Variants in TESK2 observed in about 807,000 individuals in gnomAD.
TESK2 encodes dual specificity testis-specific protein kinase 2.
Under a neutral mutation model 57.1 loss-of-function variants are expected in TESK2, and 39 were observed. That is an observed-to-expected ratio of 0.68 (90% CI 0.53 to 0.89). TESK2 has a LOEUF of 0.89. Among genes scored for constraint, TESK2 ranks in the 40% least tolerant of loss-of-function variants. The pLI, the probability that TESK2 is intolerant of heterozygous loss-of-function variation, is 0.00. For synonymous variants in TESK2, 249 were observed against 267.9 expected (o/e 0.93, Z 0.69); for missense variants, 646 against 732.1 (o/e 0.88, Z 1.36).
chr1:45,442,299 T>C (rs1651476869), intron 2 of TESK2, among the ~76,000 whole-genome samples: 1 of 152,184 alleles, frequency 6.6e-6, no homozygotes, highest in Non-Finnish European at 1.5e-5. Context: ...TAAAGCTTTT[T>C]TTTTTTTAAA....
chr1:45,347,370 A>G (rs1647159641), intron 7 of TESK2, among the ~76,000 whole-genome samples: 1 of 152,180 alleles, frequency 6.6e-6, no homozygotes, highest in African/African-American at 2.4e-5. Context: ...GTCTGAGACC[A>G]GCCTGGCCAA....
chr1:45,410,539 A>C (rs1393365375), intron 3 of TESK2, among the ~76,000 whole-genome samples: 4 of 152,046 alleles, frequency 2.6e-5, no homozygotes, highest in Admixed American at 2.6e-4. Flanking sequence ...TGAGAGGCAG[A>C]GGTTGTAGTA....
chr1:45,403,872 C>A (rs1364087536), intron 3 of TESK2, among the ~76,000 whole-genome samples: 2 of 142,732 alleles, frequency 1.4e-5, no homozygotes, highest in Non-Finnish European at 3.0e-5. Flanking sequence ...CTCAAAACTG[C>A]CATGCAAGCG....
chr1:45,416,238 A>G (rs967374655), intron 3 of TESK2, among the ~76,000 whole-genome samples: 6 of 151,140 alleles, frequency 4.0e-5, no homozygotes, highest in Non-Finnish European at 8.8e-5. Context: ...GCACACCACC[A>G]TGCCCAGTTA....
Position 45,347,078 on chromosome 1 carries a change from A to T in TESK2, c.709-16T>A. The T allele has an allele frequency of 6.2e-7, 1 of 1,613,570 alleles. No homozygotes were observed. On this transcript the variant is annotated splice_polypyrimidine_tract_variant and intron_variant, in intron 7 of 10. Transcript: ENST00000372086. ...ACACATCTGCCTGGTGGGTAGTCGG[A>T]CTTTGGTTTCCCTCTTAATGGGTTG...
At chr1:45,395,186 G>A (rs1649309896) in intron 3 of TESK2, among the ~76,000 whole-genome samples, 1 of 152,084 alleles carries the variant, frequency 6.6e-6, no homozygotes, top group African/African-American at 2.4e-5. Context: ...CTTAACGATG[G>A]GGATACATTC....
intron 2 of TESK2, among the ~76,000 whole-genome samples, chr1:45,442,151 G>A (rs1443231154): frequency 2.0e-5 from 3 of 151,702 alleles, no homozygotes; most frequent in Admixed American, 2.0e-4. Context: ...GGTCAGGCTG[G>A]TCTCAAACTC....
chr1:45,420,085 C>G (rs1650409099), intron 3 of TESK2, among the ~76,000 whole-genome samples: 1 of 152,060 alleles, frequency 6.6e-6, no homozygotes, highest in Non-Finnish European at 1.5e-5. Context: ...ACAAAGCATC[C>G]TGCACATAAA....
In TESK2 at chr1:45,345,916, C is replaced by T. The variant is rs775045482; in HGVS notation, c.958G>A (p.Glu320Lys). The T allele has an allele frequency of 1.9e-6, 3 of 1,614,010 alleles. No individual in the cohort carries two copies. The highest frequency in any genetic ancestry group is 2.5e-6 in the Non-Finnish European group (3 of 1,180,022). ...TGCAGCTTCCTATCCCTCTCCTGCTCTTCTTCCTGTAGGCGGCTCAGAATT... is the reference window on the plus strand; with the variant it reads ...TGCAGCTTCCTATCCCTCTCCTGCTTTTCTTCCTGTAGGCGGCTCAGAATT... Reference protein sequence around the residue: ...EEILSRLQEEEQERDRKLQPT... With the variant: ...EEILSRLQEEKQERDRKLQPT... The change falls in exon 10 of 11, where the codon GAG (glutamate) becomes AAG (lysine). Residue 320 changes from glutamate (E) to lysine (K), a missense_variant. Transcript: ENST00000372086.
At chr1:45,468,175 CA>C (rs34081885) in intron 1 of TESK2, among the ~76,000 whole-genome samples, 10,522 of 113,954 alleles carry the variant, frequency 0.092, 1,052 homozygotes, top group African/African-American at 0.28. Context: ...ACGTCTGTCT[CA>C]AAAAAAAAAA....
intron 1 of TESK2, among the ~76,000 whole-genome samples, chr1:45,476,798 G>T (rs539030422): frequency 2.6e-5 from 4 of 151,782 alleles, no homozygotes; most frequent in African/African-American, 9.7e-5. Context: ...AGTGAGCCGA[G>T]ATCACGCCAC....
intron 3 of TESK2, among the ~76,000 whole-genome samples, chr1:45,401,783 C>T (rs1212374276): frequency 6.6e-6 from 1 of 152,184 alleles, no homozygotes; most frequent in East Asian, 1.9e-4. Context: ...AATAAAACCA[C>T]TTTTGGTTTT....
intron 1 of TESK2, among the ~76,000 whole-genome samples, chr1:45,483,677 G>A (rs1341155305): frequency 6.6e-6 from 1 of 152,040 alleles, no homozygotes; most frequent in Non-Finnish European, 1.5e-5. Context: ...GTTTTGCCGC[G>A]AGGGGGCGGC....
chr1:45,351,980 G>A (rs1464044682), intron 5 of TESK2, among the ~76,000 whole-genome samples: 2 of 152,128 alleles, frequency 1.3e-5, no homozygotes, highest in Admixed American at 1.3e-4. Context: ...ATATAAGAAA[G>A]CCTGATACTG....
chr1:45,418,237 T>G (rs1186002236), intron 3 of TESK2, among the ~76,000 whole-genome samples: 2 of 152,236 alleles, frequency 1.3e-5, no homozygotes, highest in African/African-American at 4.8e-5. Context: ...CTTCTTAAGC[T>G]AGATATTACT....
At chr1:45,489,894 A>T (rs1653647660) in intron 1 of TESK2, among the ~76,000 whole-genome samples, 1 of 152,234 alleles carries the variant, frequency 6.6e-6, no homozygotes, top group Admixed American at 6.5e-5. Flanking sequence ...TTCAGATGAG[A>T]TCAGGAGCGT....
At chr1:45,403,592 G>A (rs879552402) in intron 3 of TESK2, among the ~76,000 whole-genome samples, 6 of 152,202 alleles carry the variant, frequency 3.9e-5, no homozygotes, top group Admixed American at 3.9e-4. Flanking sequence ...ACATTGCTTA[G>A]CAATCAGATC....
chr1:45,348,561 C>T (rs961185273), intron 5 of TESK2, among the ~76,000 whole-genome samples: 1 of 152,360 alleles, frequency 6.6e-6, no homozygotes, highest in African/African-American at 2.4e-5. Context: ...CCCCCTGTTC[C>T]TGGTGCCCCT....
rs1653703716 is a variant in TESK2 at position 45,491,136 on chromosome 1, G to T, written c.-371C>A. On this transcript the variant is annotated 5_prime_UTR_variant, in exon 1 of 11. Coordinates refer to ENST00000372086, the MANE Select transcript of TESK2 (RefSeq NM_007170.3). The stretch of plus-strand genomic sequence containing the variant: ...AGCGAAGCCAACAGGGCAGCTGGTA[G>T]CTCTGCTGAGCTCCCGGGCCGCGAA... 1 of 152,260 alleles carries T rather than the reference G, an allele frequency of 6.6e-6. No individual in the cohort carries two copies. The highest frequency in any genetic ancestry group is 2.4e-5 in the African/African-American group (1 of 41,462). 9.4% of individuals were successfully genotyped at this position (152,260 alleles called of 1,614,324 possible).
Sources: allele counts gnomAD v4.1 joint callset (sites outside exome capture counted in the v4.1 genomes callset), GRCh38; gene constraint gnomAD v4.1.1; transcripts MANE v1.5; gene names NCBI Gene and HGNC (gene_info 2026-07-23, HGNC 2026-07-21).